EIF4EBP1: variants seen among roughly 807,000 people sequenced by gnomAD.
EIF4EBP1 encodes eukaryotic translation initiation factor 4E-binding protein 1.
In EIF4EBP1, 5 loss-of-function variants were observed where a neutral mutation model predicts 9.2. That is an observed-to-expected ratio of 0.54 (90% CI 0.28 to 1.14). The LOEUF (loss-of-function observed/expected upper bound fraction) is 1.14, where lower values mean the gene tolerates loss of function less well. Ranked by LOEUF, EIF4EBP1 falls within the 50% of genes most tolerant of loss-of-function variation. The probability of loss-of-function intolerance (pLI) is 0.09; values close to 1 mark genes in which losing one functional copy is unlikely to be tolerated. For synonymous variants in EIF4EBP1, 62 were observed against 67.0 expected (o/e 0.93, Z 0.36); for missense variants, 139 against 169.6 (o/e 0.82, Z 1.00).
rs1039945763 is a variant in EIF4EBP1, at chr8:38,052,608, T to C, written c.146-4473T>C. On this transcript the variant is annotated intron_variant, in intron 1 of 2. Transcript: ENST00000338825. Reference sequence around the variant, plus strand: ...GCCAGGCATCTGTAATCCCAGCTACTTGGGAGGCTGAGGCAAGGAGAATTG... The same window carrying C: ...GCCAGGCATCTGTAATCCCAGCTACCTGGGAGGCTGAGGCAAGGAGAATTG... 2.0e-5 allele frequency among the ~76,000 whole-genome samples: 3 copies of C among 152,106 alleles called. No homozygotes were observed. In the East Asian group the frequency reaches 5.8e-4, roughly 29 times the overall value.
intron 1 of EIF4EBP1, among the ~76,000 whole-genome samples, chr8:38,035,527 T>G (rs1809287688): frequency 6.6e-6 from 1 of 150,476 alleles, no homozygotes; most frequent in Non-Finnish European, 1.5e-5. Flanking sequence ...CTTATTATTT[T>G]ATTTTATTTT....
At chr8:38,036,608 A>C (rs182193024) in intron 1 of EIF4EBP1, among the ~76,000 whole-genome samples, 3 of 152,240 alleles carry the variant, frequency 2.0e-5, no homozygotes, top group Admixed American at 2.0e-4. Context: ...ATTTTCTCAT[A>C]TAGACCTTTA....
chr8:38,041,266 T>A (rs1290151357), intron 1 of EIF4EBP1, among the ~76,000 whole-genome samples: 1 of 152,078 alleles, frequency 6.6e-6, no homozygotes, highest in Non-Finnish European at 1.5e-5. Flanking sequence ...CACGCCCGGC[T>A]AATTTTTGTA....
intron 1 of EIF4EBP1, among the ~76,000 whole-genome samples, chr8:38,033,743 C>CTT (rs34809551): frequency 0.026 from 2,718 of 104,136 alleles, 98 homozygotes; most frequent in Non-Finnish European, 0.034. Flanking sequence ...GTTTGCTTTC[C>CTT]TTTTTTTTTT....
intron 1 of EIF4EBP1, among the ~76,000 whole-genome samples, chr8:38,033,616 A>G (rs1809256530): frequency 6.6e-6 from 1 of 152,012 alleles, no homozygotes; most frequent in Non-Finnish European, 1.5e-5. Flanking sequence ...CTTCTCAGGA[A>G]AAACCATTGG....
At chr8:38,039,146 C>T (rs1809342701) in intron 1 of EIF4EBP1, among the ~76,000 whole-genome samples, 1 of 152,022 alleles carries the variant, frequency 6.6e-6, no homozygotes, top group Non-Finnish European at 1.5e-5. Flanking sequence ...CCCACCTCGT[C>T]CTCCCAAAGT....
At chr8:38,038,649 T>C (rs1016950416) in intron 1 of EIF4EBP1, among the ~76,000 whole-genome samples, 1 of 150,476 alleles carries the variant, frequency 6.6e-6, no homozygotes, top group Non-Finnish European at 1.5e-5. Context: ...ATTACAGGTG[T>C]GCGCCACCAC....
chr8:38,055,654 A>G (rs954010844), intron 1 of EIF4EBP1, among the ~76,000 whole-genome samples: 5 of 151,948 alleles, frequency 3.3e-5, no homozygotes, highest in African/African-American at 4.8e-5. Flanking sequence ...TATCACTACT[A>G]TATATGGAAC....
chr8:38,052,549 C>T (rs1004990624), intron 1 of EIF4EBP1, among the ~76,000 whole-genome samples: 15 of 152,152 alleles, frequency 9.9e-5, no homozygotes, highest in Non-Finnish European at 2.2e-4. Context: ...GCCAACATGG[C>T]AAAACCCTGT....
At chr8:38,038,323 A>G (rs1235504150) in intron 1 of EIF4EBP1, among the ~76,000 whole-genome samples, 1 of 151,326 alleles carries the variant, frequency 6.6e-6, no homozygotes, top group East Asian at 2.1e-4. Context: ...CCTGGCTAAC[A>G]TGGTGAAACC....
intron 2 of EIF4EBP1, among the ~76,000 whole-genome samples, chr8:38,057,975 G>T (rs1809620728): frequency 1.3e-5 from 2 of 152,150 alleles, no homozygotes; most frequent in South Asian, 4.1e-4. Flanking sequence ...TAATCAGATT[G>T]GAACCCGCCG....
intron 1 of EIF4EBP1, among the ~76,000 whole-genome samples, chr8:38,053,041 G>A (rs1809547199): frequency 6.6e-6 from 1 of 151,944 alleles, no homozygotes. Context: ...TTGAGACAGA[G>A]TCTTGCTTGC....
rs1809308300 is a variant in EIF4EBP1 at position 38,036,764 on chromosome 8, T to G, written c.145+6046T>G. ...CCTGGGCTCAAGCAATCCTCCCATC[T>G]CAGCCTCCCAAGTAGCTGGGACTAC... is the stretch of plus-strand genomic sequence containing the variant. On this transcript the variant is annotated intron_variant, in intron 1 of 2. Coordinates refer to ENST00000338825, the MANE Select transcript of EIF4EBP1 (RefSeq NM_004095.4). Among the ~76,000 whole-genome samples, 3 of 152,028 alleles carry G rather than the reference T, an allele frequency of 2.0e-5. No homozygotes were observed. The South Asian group carries it at 6.2e-4, about 32-fold the overall frequency.
At chr8:38,042,291 A>C (rs1012264990) in intron 1 of EIF4EBP1, among the ~76,000 whole-genome samples, 8 of 152,200 alleles carry the variant, frequency 5.3e-5, no homozygotes, top group South Asian at 4.1e-4. Context: ...AGCAGAGGGT[A>C]CAGTCGGGCT....
chr8:38,045,025 C>T (rs999901941), intron 1 of EIF4EBP1, among the ~76,000 whole-genome samples: 4 of 152,136 alleles, frequency 2.6e-5, no homozygotes, highest in African/African-American at 7.2e-5. Context: ...TTCCTGTTCC[C>T]GGCTTGTGAC....
chr8:38,039,366 A>G (rs189431152), intron 1 of EIF4EBP1, among the ~76,000 whole-genome samples: 7 of 151,120 alleles, frequency 4.6e-5, no homozygotes, highest in African/African-American at 1.7e-4. Flanking sequence ...AGGGAAGGCT[A>G]AGCTATAATG....
At chr8:38,036,033 T>C (rs1209077188) in intron 1 of EIF4EBP1, among the ~76,000 whole-genome samples, 2 of 141,188 alleles carry the variant, frequency 1.4e-5, no homozygotes, top group Non-Finnish European at 3.1e-5. Context: ...TGAGGCAGAG[T>C]CTCATTCTGT....
chr8:38,030,971 A>AGG, intron 1 of EIF4EBP1, among the ~76,000 whole-genome samples: 1 of 152,272 alleles, frequency 6.6e-6, no homozygotes, highest in Middle Eastern at 3.4e-3. Flanking sequence ...ACACCTAACA[A>AGG]ACACGCACGC....
intron 1 of EIF4EBP1, among the ~76,000 whole-genome samples, chr8:38,044,386 T>G (rs1809423596): frequency 6.6e-6 from 1 of 152,142 alleles, no homozygotes; most frequent in Non-Finnish European, 1.5e-5. Flanking sequence ...GACCTCCTAA[T>G]TTTTCCAGCT....
Sources: gnomAD v4.1 joint callset for allele counts (sites outside exome capture counted in the v4.1 genomes callset) on GRCh38, gnomAD v4.1.1 for gene constraint, MANE v1.5 for transcripts, NCBI Gene and HGNC (gene_info 2026-07-23, HGNC 2026-07-21) for gene names.